Variants in RP1L1 observed in about 807,000 individuals in gnomAD.
RP1L1 encodes RP1 like 1, also known as retinitis pigmentosa 1-like 1 protein.
Under a neutral mutation model 15.7 loss-of-function variants are expected in RP1L1, and 27 were observed. The observed-to-expected ratio is 1.72, with a 90% CI of 1.27 to 2.38. RP1L1 has a LOEUF of 2.38. Ranked by LOEUF, RP1L1 falls within the 30% of genes most tolerant of loss-of-function variation. The pLI is 0.00. For synonymous variants in RP1L1, 1,813 were observed against 1,276.7 expected (o/e 1.42, Z -8.96); for missense variants, 4,798 against 3,075.9 (o/e 1.56, Z -13.24).
chr8:10,625,611 G>GC (rs1798144405), intron 1 of RP1L1, among the ~76,000 whole-genome samples: 1 of 152,114 alleles, frequency 6.6e-6, no homozygotes, highest in Non-Finnish European at 1.5e-5. Flanking sequence ...CGATAAAGGC[G>GC]CCCCCCAACC....
At position 10,608,199 on chromosome 8, in the gene RP1L1, C is replaced by T; in HGVS notation, c.5899G>A (p.Glu1967Lys). ...TCTGACTCTGGCTGGGCTTCCTCTT[C>T]TGCCTCCTGGGACTCTATAACTTCT... The part of the protein sequence containing the change: ...ESEVIESQEA[E>K]EEAQPESEDV... The change falls in exon 4 of 4, where the codon GAA becomes AAA. Residue 1967 changes from glutamate (E) to lysine (K), a missense_variant. Transcript: ENST00000382483. 1.2e-6 allele frequency: 2 copies of T among 1,601,708 alleles called. No homozygotes were observed. The highest frequency in any genetic ancestry group is 8.5e-7 in the Non-Finnish European group (1 of 1,179,684).
chr8:10,622,161 A>G (rs1798069830), intron 2 of RP1L1, among the ~76,000 whole-genome samples: 1 of 151,896 alleles, frequency 6.6e-6, no homozygotes, highest in African/African-American at 2.4e-5. Flanking sequence ...GTCTCTACTA[A>G]AACTAGAAAA....
Position 10,623,081 on chromosome 8 carries a change from G to C in RP1L1, c.121C>G (p.Arg41Gly), listed in dbSNP as rs552894484. The part of the protein sequence containing the change: ...TPAKKITFLK[R>G]GDPRFAGVRL... ...ACCCCAGCAAACCGTGGATCCCCTC[G>C]CTTGAGGAAGGTGATCTTCTTGGCT... The change falls in exon 2 of 4, where the codon CGA becomes GGA. Residue 41 changes from arginine (R) to glycine (G), a missense_variant. Arg to Gly is a moderately radical substitution (Grantham distance 125). Transcript: ENST00000382483. The C allele has an allele frequency of 3.1e-6, 5 of 1,614,014 alleles. No individual in the cohort carries two copies. In the Admixed American group the frequency reaches 5.0e-5, roughly 16 times the overall value.
At chr8:10,623,621 T>C (rs546568207) in intron 1 of RP1L1, among the ~76,000 whole-genome samples, 3 of 149,754 alleles carry the variant, frequency 2.0e-5, no homozygotes, top group East Asian at 4.1e-4. Flanking sequence ...AGCACTTCCA[T>C]GTCCCCAGAG....
In RP1L1 at chr8:10,611,303, C is replaced by G; in HGVS notation, c.2795G>C (p.Gly932Ala). The part of the protein sequence containing the change: ...LSEEKTLRSG[G>A]GPQGQEEASG... ...GGCCTCCTCCTGCCCCTGGGGGCCT[C>G]CCCCACTCCTCAAGGTCTTCTCCTC... Residue 932 changes from glycine to alanine, a missense_variant, in exon 4 of 4, where the codon GGA becomes GCA. Coordinates refer to ENST00000382483, the MANE Select transcript of RP1L1 (RefSeq NM_178857.6). 6.2e-7 allele frequency: 1 copy of G among 1,612,916 alleles called. No individual in the cohort carries two copies. Among genetic ancestry groups the G allele is most frequent in the Non-Finnish European group, 8.5e-7 (1 of 1,180,012 alleles).
chr8:10,649,024 T>C (rs1034262611), intron 1 of RP1L1, among the ~76,000 whole-genome samples: 1 of 152,102 alleles, frequency 6.6e-6, no homozygotes, highest in Non-Finnish European at 1.5e-5. Flanking sequence ...CCTACTTTCA[T>C]GCGGAGCTGC....
intron 1 of RP1L1, among the ~76,000 whole-genome samples, chr8:10,649,912 T>G (rs1471636057): frequency 6.6e-6 from 1 of 152,136 alleles, no homozygotes; most frequent in African/African-American, 2.4e-5. Context: ...ACCTCTTGCT[T>G]GCTGTCACAG....
At position 10,610,534 on chromosome 8, in the gene RP1L1, G is replaced by T. The variant is rs372360353; in HGVS notation, c.3564C>A (p.Ala1188=). 1.2e-6 allele frequency: 2 copies of T among 1,613,598 alleles called. No homozygotes were observed. Among genetic ancestry groups the T allele is most frequent in the African/African-American group, 2.7e-5 (2 of 74,910 alleles). Reference sequence around the variant, plus strand: ...ATGTGGGCGTGAAGTTCTCCGTCATGGCATGGGACCCAAGGTCTGGCAGAG... The same window carrying T: ...ATGTGGGCGTGAAGTTCTCCGTCATTGCATGGGACCCAAGGTCTGGCAGAG... ...SQALPDLGSH[A]MTENFTPTSS... Residue 1188 remains alanine, a synonymous_variant, in exon 4 of 4, where the codon GCC becomes GCA. Coordinates refer to ENST00000382483, the MANE Select transcript of RP1L1 (RefSeq NM_178857.6).
At position 10,609,418 on chromosome 8, in the gene RP1L1, C is replaced by T. The variant is rs765573390; in HGVS notation, c.4680G>A (p.Leu1560=). 20 of 1,612,192 alleles carry T rather than the reference C, an allele frequency of 1.2e-5. No individual in the cohort carries two copies. Among genetic ancestry groups the T allele is most frequent in the East Asian group, 8.9e-5 (4 of 44,880 alleles). ...GGAGGCGTTGGGCCACGTCCTGCTG[C>T]AGCTCGGCCGCCATCTGGTCCAGCA... The part of the protein sequence containing the change: ...NDLLDQMAAE[L]QQDVAQRLQD... Residue 1560 remains leucine (L), a synonymous_variant, in exon 4 of 4, where the codon CTG becomes CTA. Transcript: ENST00000382483.
intron 2 of RP1L1, among the ~76,000 whole-genome samples, chr8:10,618,305 G>C (rs1189985682): frequency 1.3e-5 from 2 of 151,948 alleles, no homozygotes; most frequent in Non-Finnish European, 2.9e-5. Flanking sequence ...TTTGAGATCA[G>C]CCTGGGCATC....
At chr8:10,625,754 G>C (rs1426736065) in intron 1 of RP1L1, among the ~76,000 whole-genome samples, 1 of 152,170 alleles carries the variant, frequency 6.6e-6, no homozygotes, top group Non-Finnish European at 1.5e-5. Flanking sequence ...CAGAGGGCCT[G>C]GCAGGAAGCG....
At chr8:10,652,753 G>A (rs987806258) in intron 1 of RP1L1, among the ~76,000 whole-genome samples, 2 of 151,930 alleles carry the variant, frequency 1.3e-5, no homozygotes, top group Non-Finnish European at 1.5e-5. Flanking sequence ...TCTCCACTCT[G>A]AGCCCACGTC....
In RP1L1 at chr8:10,610,579, C is replaced by T. The variant is rs369351465; in HGVS notation, c.3519G>A (p.Trp1173Ter). 1 of 1,613,518 alleles carries T rather than the reference C, an allele frequency of 6.2e-7. No individual in the cohort carries two copies. The highest frequency in any genetic ancestry group is 1.3e-5 in the African/African-American group (1 of 74,918). ...GCAGAGCCTGGCTCCATGTGAGCTC[C>T]CAGAGGCCTGAGTCCAGCTGGTCTT... ...VGEDQLDSGL[W>*]ELTWSQALPD... Residue 1173 changes from tryptophan to a stop codon, truncating the protein, a stop_gained, in exon 4 of 4, where the codon TGG becomes TGA. Coordinates refer to ENST00000382483, the MANE Select transcript of RP1L1 (RefSeq NM_178857.6). LOFTEE classifies it low-confidence loss of function (END_TRUNC).
intron 3 of RP1L1, 96 bp from the exon 4 acceptor site, chr8:10,613,442 C>A: frequency 1.3e-6 from 2 of 1,518,474 alleles, no homozygotes; most frequent in South Asian, 2.3e-5. Flanking sequence ...GAGCCTCCCA[C>A]GACCTCAGCA....
rs755843585 is a variant in RP1L1 at position 10,611,945 on chromosome 8, T to C, written c.2153A>G (p.Asn718Ser). 3.1e-6 allele frequency: 5 copies of C among 1,613,838 alleles called. No homozygotes were observed. Among genetic ancestry groups the C allele is most frequent in the Non-Finnish European group, 4.2e-6 (5 of 1,180,004 alleles). Residue 718 changes from asparagine to serine, a missense_variant, in exon 4 of 4, where the codon AAC becomes AGC. Coordinates refer to ENST00000382483, the MANE Select transcript of RP1L1 (RefSeq NM_178857.6). The part of the protein sequence containing the change: ...SSSTRTQASG[N>S]LRPPSSGSLP... Reference sequence around the variant, plus strand: ...AGAGCCCGAGGAGGGAGGTCTCAGGTTCCCAGAGGCCTGTGTCCTGGTGCT... The same window carrying C: ...AGAGCCCGAGGAGGGAGGTCTCAGGCTCCCAGAGGCCTGTGTCCTGGTGCT...
intron 1 of RP1L1, among the ~76,000 whole-genome samples, chr8:10,648,676 A>G (rs1255581621): frequency 6.6e-6 from 1 of 152,194 alleles, no homozygotes; most frequent in Admixed American, 6.5e-5. Flanking sequence ...GGAGCTTCCA[A>G]CCGAAAGGCA....
rs1479206666 is a variant in RP1L1, at chr8:10,616,488, C to T, written c.709G>A (p.Glu237Lys). 1.9e-6 allele frequency: 3 copies of T among 1,614,246 alleles called. No individual in the cohort carries two copies. Among genetic ancestry groups the T allele is most frequent in the East Asian group, 2.2e-5 (1 of 44,886 alleles). The change falls in exon 3 of 4, where the codon GAG becomes AAG. Residue 237 changes from glutamate (E) to lysine (K), a missense_variant. By Grantham distance (56) the Glu-to-Lys change is moderately conservative. Transcript: ENST00000382483. ...TPAMKNARRS[E>K]AETLSGLTSR... is the part of the protein sequence containing the mutation. Reference sequence around the variant, plus strand: ...GTCAGCCCAGATAAAGTTTCAGCCTCGCTTCTCCTGGCATTTTTCATGGCT... The same window carrying T: ...GTCAGCCCAGATAAAGTTTCAGCCTTGCTTCTCCTGGCATTTTTCATGGCT...
At chr8:10,652,456 G>T (rs35524399) in intron 1 of RP1L1, among the ~76,000 whole-genome samples, 1 of 150,898 alleles carries the variant, frequency 6.6e-6, no homozygotes, top group Non-Finnish European at 1.5e-5. Flanking sequence ...GACACTTGAC[G>T]AATGCGATGT....
At chr8:10,647,041 A>G (rs1193373912) in intron 1 of RP1L1, among the ~76,000 whole-genome samples, 2 of 152,186 alleles carry the variant, frequency 1.3e-5, no homozygotes, top group Non-Finnish European at 1.5e-5. Flanking sequence ...GAGGGGCTAT[A>G]AAGGCCACGC....
Sources: allele counts gnomAD v4.1 joint callset (sites outside exome capture counted in the v4.1 genomes callset), GRCh38; gene constraint gnomAD v4.1.1; transcripts MANE v1.5; gene names NCBI Gene and HGNC (gene_info 2026-07-23, HGNC 2026-07-21).